Variants in NEO1 observed in about 807,000 individuals in gnomAD.
NEO1 encodes neogenin.
Under a neutral mutation model 159.7 loss-of-function variants are expected in NEO1, and 63 were observed. That is an observed-to-expected ratio of 0.39 (90% confidence interval 0.32 to 0.49). NEO1 has a LOEUF of 0.49. NEO1 is among the 20% of genes least tolerant of loss of function. NEO1 has a pLI of 0.85. For synonymous variants in NEO1, 633 were observed against 662.0 expected, an observed-to-expected ratio of 0.96 and a Z score of 0.67; for missense variants, 1,615 against 1,831.0, an observed-to-expected ratio of 0.88 and a Z score of 2.15.
chr15:73,190,351 A>C (rs1031128254), intron 7 of NEO1, among the ~76,000 whole-genome samples: 35 of 152,252 alleles, frequency 2.3e-4, no homozygotes, highest in Non-Finnish European at 1.8e-4. Context: ...TAGTTCTAGT[A>C]AAGGAAGAAG....
At chr15:73,130,827 T>A (rs1213335710) in intron 4 of NEO1, among the ~76,000 whole-genome samples, 1 of 152,190 alleles carries the variant, frequency 6.6e-6, no homozygotes, top group Non-Finnish European at 1.5e-5. Context: ...TTTACCATCA[T>A]GTAGTAGCAA....
At chr15:73,299,209 T>C (rs1023004521) in intron 27 of NEO1, among the ~76,000 whole-genome samples, 1 of 152,196 alleles carries the variant, frequency 6.6e-6, no homozygotes, top group African/African-American at 2.4e-5. Flanking sequence ...TATCCCTTTA[T>C]AGCTTAAAAG....
chr15:73,172,475 C>G (rs988274462), intron 5 of NEO1, among the ~76,000 whole-genome samples: 1 of 152,156 alleles, frequency 6.6e-6, no homozygotes, highest in African/African-American at 2.4e-5. Context: ...GGCTAAAGAT[C>G]TTAGTGTACT....
chr15:73,194,614 G>T (rs1322559235), intron 7 of NEO1, among the ~76,000 whole-genome samples: 2 of 152,126 alleles, frequency 1.3e-5, no homozygotes, highest in African/African-American at 4.8e-5. Flanking sequence ...ATTCCTGAGG[G>T]TTCTGTCCCC....
chr15:73,106,287 A>G (rs541027854), intron 1 of NEO1, among the ~76,000 whole-genome samples: 1 of 152,300 alleles, frequency 6.6e-6, no homozygotes, highest in South Asian at 2.1e-4. Flanking sequence ...ATGAAGGGTA[A>G]CATAGGCCAG....
chr15:73,295,861 C>T, intron 26 of NEO1, among the ~76,000 whole-genome samples: 1 of 152,190 alleles, frequency 6.6e-6, no homozygotes, highest in Admixed American at 6.5e-5. Flanking sequence ...TTCCTCTTGT[C>T]CAATCACTTG....
chr15:73,194,189 A>G (rs1199841258), intron 7 of NEO1, among the ~76,000 whole-genome samples: 2 of 152,136 alleles, frequency 1.3e-5, no homozygotes. Context: ...GTGGCTTTAG[A>G]GAGGAAAATA....
chr15:73,107,034 A>G lies in NEO1; in HGVS notation c.131-9506A>G, dbSNP rs74725745. Among the ~76,000 whole-genome samples, 1,412 of 152,320 alleles carry G rather than the reference A, an allele frequency of 9.3e-3. 7 individuals carry two copies. The highest frequency in any genetic ancestry group is 0.014 in the Non-Finnish European group (948 of 68,030). ...TCTTTTGTAGTGACTTTCTAAACCA[A>G]TAAGATGAAATAGATTTTTTAGGAG... On this transcript the variant is annotated intron_variant, in intron 1 of 28. Transcript: ENST00000261908.
chr15:73,240,043 C>T (rs1261669522), intron 8 of NEO1, among the ~76,000 whole-genome samples: 2 of 152,034 alleles, frequency 1.3e-5, no homozygotes, highest in Non-Finnish European at 2.9e-5. Context: ...TCCTGCCATG[C>T]ACAGGACAGT....
At chr15:73,156,080 ACTT>A (rs1054757007) in intron 5 of NEO1, among the ~76,000 whole-genome samples, 6 of 152,170 alleles carry the variant, frequency 3.9e-5, no homozygotes, top group Non-Finnish European at 8.8e-5. Context: ...AACAGTCACT[ACTT>A]CTTATTTTTG....
At chr15:73,106,281 A>G (rs1352914391) in intron 1 of NEO1, among the ~76,000 whole-genome samples, 1 of 152,178 alleles carries the variant, frequency 6.6e-6, no homozygotes, top group African/African-American at 2.4e-5. Context: ...ACATTAATGA[A>G]GGGTAACATA....
At chr15:73,178,509 G>A in intron 7 of NEO1, 82 bp downstream of exon 7, 1 of 1,512,258 alleles carries the variant, frequency 6.6e-7, no homozygotes, top group Non-Finnish European at 9.0e-7. Flanking sequence ...ACTCATGATT[G>A]ATAACCCATT....
chr15:73,217,032 A>T (rs1231124148), intron 7 of NEO1, among the ~76,000 whole-genome samples: 2 of 152,102 alleles, frequency 1.3e-5, no homozygotes, highest in Non-Finnish European at 2.9e-5. Context: ...GGTAATGCCT[A>T]GGTTTTCTTC....
In NEO1 at chr15:73,191,472, TCTTTAGGATAATAGTAA is replaced by T. The variant is rs578255796; in HGVS notation, c.1291+13080_1291+13096del. ...GTTTTTTCAAAATAGACAACAGAAA[TCTTTAGGATAATAGTAA>T]CTTTAGGATAATAGTAACTTTAGGA... On this transcript the variant is annotated intron_variant, in intron 7 of 28. Transcript: ENST00000261908. Among the ~76,000 whole-genome samples the T allele has an allele frequency of 2.7e-4, 33 of 121,556 alleles. 6 individuals carry two copies. Among genetic ancestry groups the T allele is most frequent in the Admixed American group, 9.7e-4 (10 of 10,272 alleles). 79.7% of individuals were successfully genotyped at this position (121,556 alleles called of 152,430 possible). A position where few individuals can be genotyped will look rare whatever the true frequency, so the allele number is the denominator to read the frequency against.
At position 73,059,940 on chromosome 15, in the gene NEO1, A is replaced by T. The variant is rs556150011; in HGVS notation, c.130+7135A>T. On this transcript the variant is annotated intron_variant, in intron 1 of 28. Transcript: ENST00000261908. ...TCAGAATTGATTATTGGTCATTAAT[A>T]GTACAACTTACTAAGAAGTCCTGAG... Among the ~76,000 whole-genome samples, 262 of 152,318 alleles carry T rather than the reference A, an allele frequency of 1.7e-3. 1 individual carries two copies. The highest frequency in any genetic ancestry group is 6.0e-3 in the African/African-American group (251 of 41,582).
rs142350985 is a variant in NEO1 at position 73,194,884 on chromosome 15, A to G, written c.1291+16457A>G. On this transcript the variant is annotated intron_variant, in intron 7 of 28. Coordinates refer to ENST00000261908, the MANE Select transcript of NEO1 (RefSeq NM_002499.4). ...TTTTCTGTATAAGTGTAAGGATATG[A>G]TCTTTGTTCTACTTAGCTTAAGGAG... Among the ~76,000 whole-genome samples, 4 of 152,326 alleles carry G rather than the reference A, an allele frequency of 2.6e-5. No individual in the cohort carries two copies. In the East Asian group the frequency reaches 7.7e-4, roughly 29 times the overall value.
Position 73,202,572 on chromosome 15 carries a change from A to G in NEO1, c.1291+24145A>G, listed in dbSNP as rs7183466. Among the ~76,000 whole-genome samples the G allele has an allele frequency of 8.6e-3, 1,307 of 151,912 alleles. 22 individuals carry two copies. The highest frequency in any genetic ancestry group is 0.03 in the African/African-American group (1,234 of 41,430). Reference sequence around the variant, plus strand: ...TTCGTTCTAGCTATCTTTGTTTTCTACCTCCTCCTCTCTGACTTACTTTCT... The same window carrying G: ...TTCGTTCTAGCTATCTTTGTTTTCTGCCTCCTCCTCTCTGACTTACTTTCT... On this transcript the variant is annotated intron_variant, in intron 7 of 28. Coordinates refer to ENST00000261908, the MANE Select transcript of NEO1 (RefSeq NM_002499.4).
chr15:73,242,264 TG>T (rs1314259690), intron 8 of NEO1, among the ~76,000 whole-genome samples: 2 of 152,362 alleles, frequency 1.3e-5, no homozygotes, highest in East Asian at 3.9e-4. Context: ...TACTGTTGAC[TG>T]GAAGCCTTGC....
chr15:73,125,784 T>C (rs2151679486), intron 3 of NEO1, among the ~76,000 whole-genome samples: 1 of 152,302 alleles, frequency 6.6e-6, no homozygotes, highest in East Asian at 1.9e-4. Context: ...AGATTGTTGC[T>C]CAGTTACAAA....
Sources: allele counts gnomAD v4.1 joint callset (sites outside exome capture counted in the v4.1 genomes callset), GRCh38; gene constraint gnomAD v4.1.1; transcripts MANE v1.5; gene names NCBI Gene and HGNC (gene_info 2026-07-23, HGNC 2026-07-21).